Variants in FOXP1 observed in about 807,000 individuals in gnomAD.
FOXP1 encodes forkhead box P1, also known as forkhead box protein P1.
A neutral mutation model predicts 98.2 loss-of-function variants in FOXP1; 15 were observed. That is an observed-to-expected ratio of 0.15 (90% CI 0.10 to 0.24). FOXP1 has a LOEUF of 0.24. Among genes scored for constraint, FOXP1 ranks in the 10% least tolerant of loss-of-function variants. The pLI is 1.00. For synonymous variants in FOXP1, 371 were observed against 314.5 expected, an observed-to-expected ratio of 1.18 and a Z score of -1.90; for missense variants, 633 against 848.5, an observed-to-expected ratio of 0.75 and a Z score of 3.15.
At chr3:71,247,334 G>C (rs989995627) in intron 5 of FOXP1, among the ~76,000 whole-genome samples, 1 of 152,170 alleles carries the variant, frequency 6.6e-6, no homozygotes, top group South Asian at 2.1e-4. Flanking sequence ...GCTGAGCTGC[G>C]ACCTTCTGCC....
At chr3:71,434,690 G>C (rs537672980) in intron 3 of FOXP1, among the ~76,000 whole-genome samples, 1 of 151,310 alleles carries the variant, frequency 6.6e-6, no homozygotes, top group Admixed American at 6.6e-5. Context: ...AGGGAGGTGA[G>C]GAGTTAGACT....
At chr3:71,564,093 A>G (rs926471550) in intron 2 of FOXP1, among the ~76,000 whole-genome samples, 2 of 152,236 alleles carry the variant, frequency 1.3e-5, no homozygotes, top group African/African-American at 4.8e-5. Context: ...TAAAAAACCC[A>G]GCAAAACCGT....
chr3:71,459,976 C>A (rs1050234255), intron 3 of FOXP1, among the ~76,000 whole-genome samples: 1 of 151,538 alleles, frequency 6.6e-6, no homozygotes, highest in African/African-American at 2.4e-5. Context: ...CTCTGTCACC[C>A]AGGCTGGAGT....
At chr3:71,224,300 G>T (rs2065655711) in intron 5 of FOXP1, among the ~76,000 whole-genome samples, 1 of 152,170 alleles carries the variant, frequency 6.6e-6, no homozygotes, top group Non-Finnish European at 1.5e-5. Context: ...TTTTGGGAGA[G>T]CTACCAGCCA....
chr3:71,026,251 CT>C (rs2046099126), intron 11 of FOXP1, among the ~76,000 whole-genome samples: 1 of 152,058 alleles, frequency 6.6e-6, no homozygotes, highest in African/African-American at 2.4e-5. Context: ...TAAGAAATGA[CT>C]TGATTTAAAG....
chr3:71,568,160 G>A (rs907784792), intron 2 of FOXP1, among the ~76,000 whole-genome samples: 4 of 152,072 alleles, frequency 2.6e-5, no homozygotes, highest in African/African-American at 9.7e-5. Context: ...CCTCCCTCAT[G>A]GGACCTTGCA....
chr3:71,029,759 C>G (rs976155688), intron 11 of FOXP1, among the ~76,000 whole-genome samples: 1 of 152,102 alleles, frequency 6.6e-6, no homozygotes, highest in South Asian at 2.1e-4. Flanking sequence ...ATTAATAATA[C>G]ATTGACTTTC....
intron 3 of FOXP1, among the ~76,000 whole-genome samples, chr3:71,488,764 G>T (rs2090848347): frequency 6.6e-6 from 1 of 152,138 alleles, no homozygotes; most frequent in South Asian, 2.1e-4. Context: ...AATCTGATAG[G>T]CAGCTGCCAG....
At chr3:71,190,544 G>A (rs546754141) in intron 6 of FOXP1, among the ~76,000 whole-genome samples, 8 of 151,140 alleles carry the variant, frequency 5.3e-5, no homozygotes, top group Admixed American at 1.3e-4. Flanking sequence ...GCTTGAGCCC[G>A]GGGAGGTAAA....
rs200610453 is a variant in FOXP1, at chr3:71,009,916, ATT to A, written c.974+5631_974+5632del. On this transcript the variant is annotated intron_variant, in intron 12 of 20. Coordinates refer to ENST00000649528, the MANE Select transcript of FOXP1 (RefSeq NM_001349338.3). ...GGCACATGCCACGACACCCAGCTGA[ATT>A]TTTTTTTTTTTTTTTTTGGCAGAGA... Among the ~76,000 whole-genome samples the A allele has an allele frequency of 4.9e-4, 65 of 132,980 alleles. 1 individual carries two copies. Among genetic ancestry groups the A allele is most frequent in the African/African-American group, 1.1e-3 (38 of 35,622 alleles). 87.2% of individuals were successfully genotyped at this position (132,980 alleles called of 152,430 possible). A position where few individuals can be genotyped will look rare whatever the true frequency, so the allele number is the denominator to read the frequency against.
intron 4 of FOXP1, among the ~76,000 whole-genome samples, chr3:71,351,548 AT>A (rs1560354269): frequency 6.6e-6 from 1 of 152,242 alleles, no homozygotes; most frequent in African/African-American, 2.4e-5. Context: ...TTATAAACCT[AT>A]AATTCTACTG....
At chr3:71,253,774 AT>A (rs2068411493) in intron 5 of FOXP1, among the ~76,000 whole-genome samples, 1 of 152,210 alleles carries the variant, frequency 6.6e-6, no homozygotes, top group Non-Finnish European at 1.5e-5. Context: ...TGACCACATA[AT>A]AAATACGCCA....
At chr3:71,026,849 G>A (rs1464647935) in intron 11 of FOXP1, among the ~76,000 whole-genome samples, 1 of 152,196 alleles carries the variant, frequency 6.6e-6, no homozygotes, top group African/African-American at 2.4e-5. Flanking sequence ...TGGTTGGTGT[G>A]CTTGGATCAC....
chr3:71,404,575 G>GA (rs35267597), intron 3 of FOXP1, among the ~76,000 whole-genome samples: 176 of 145,512 alleles, frequency 1.2e-3, no homozygotes, highest in South Asian at 5.0e-3. Context: ...CCATTAAGAA[G>GA]AAAAAAAAAA....
chr3:71,043,319 A>T (rs571290453), intron 10 of FOXP1, among the ~76,000 whole-genome samples: 1 of 152,346 alleles, frequency 6.6e-6, no homozygotes, highest in Non-Finnish European at 1.5e-5. Context: ...TATTAGGCAT[A>T]GTCAATTATT....
chr3:71,370,213 A>C (rs2079197530), intron 3 of FOXP1, among the ~76,000 whole-genome samples: 1 of 152,204 alleles, frequency 6.6e-6, no homozygotes, highest in South Asian at 2.1e-4. Context: ...AGGACTTCCA[A>C]AACCAAAACA....
intron 3 of FOXP1, among the ~76,000 whole-genome samples, chr3:71,482,774 G>C (rs1042032576): frequency 1.3e-5 from 2 of 151,184 alleles, no homozygotes; most frequent in Admixed American, 6.6e-5. Context: ...TCCTCCACTA[G>C]TGAGATATAC....
chr3:70,990,897 C>T (rs1387151057), intron 13 of FOXP1, among the ~76,000 whole-genome samples: 1 of 152,126 alleles, frequency 6.6e-6, no homozygotes, highest in Non-Finnish European at 1.5e-5. Flanking sequence ...TGACTCAGCA[C>T]ATTATGTAAC....
chr3:71,498,603 AG>A (rs2041086888), intron 2 of FOXP1, among the ~76,000 whole-genome samples: 1 of 152,190 alleles, frequency 6.6e-6, no homozygotes, highest in Non-Finnish European at 1.5e-5. Flanking sequence ...AAGAGGATTG[AG>A]GAACTGCAGA....
Sources: gnomAD v4.1 joint callset for allele counts (sites outside exome capture counted in the v4.1 genomes callset) on GRCh38, gnomAD v4.1.1 for gene constraint, MANE v1.5 for transcripts, NCBI Gene and HGNC (gene_info 2026-07-23, HGNC 2026-07-21) for gene names.